Variants in CTNND2 observed in about 807,000 individuals in gnomAD.
CTNND2 encodes catenin delta-2.
Under a neutral mutation model 144.4 loss-of-function variants are expected in CTNND2, and 22 were observed. That is an observed-to-expected ratio of 0.15 (90% CI 0.11 to 0.22). The LOEUF (loss-of-function observed/expected upper bound fraction) is 0.22. Among genes scored for constraint, CTNND2 ranks in the 10% least tolerant of loss-of-function variants. The pLI, the probability that CTNND2 is intolerant of heterozygous loss-of-function variation, is 1.00. For synonymous variants in CTNND2, 751 were observed against 695.6 expected, an observed-to-expected ratio of 1.08 and a Z score of -1.25; for missense variants, 1,353 against 1,618.8, an observed-to-expected ratio of 0.84 and a Z score of 2.82.
chr5:11,857,550 A>C (rs1795308506), intron 1 of CTNND2, among the ~76,000 whole-genome samples: 1 of 152,160 alleles, frequency 6.6e-6, no homozygotes, highest in Non-Finnish European at 1.5e-5. Context: ...AGGCCTGCAA[A>C]TCTTGTCATT....
At chr5:11,676,951 T>C (rs565800187) in intron 2 of CTNND2, among the ~76,000 whole-genome samples, 1 of 152,328 alleles carries the variant, frequency 6.6e-6, no homozygotes, top group East Asian at 1.9e-4. Context: ...CTCATTCTCT[T>C]TAAAAGATAA....
intron 18 of CTNND2, among the ~76,000 whole-genome samples, chr5:10,997,313 G>A (rs1739454345): frequency 6.6e-6 from 1 of 152,016 alleles, no homozygotes; most frequent in South Asian, 2.1e-4. Context: ...TTTTTTTTAG[G>A]CCAGGAGCGG....
chr5:11,444,736 T>A (rs893124271), intron 3 of CTNND2, among the ~76,000 whole-genome samples: 1 of 152,112 alleles, frequency 6.6e-6, no homozygotes, highest in African/African-American at 2.4e-5. Context: ...ATGAATGGTG[T>A]CAATGTATTT....
intron 1 of CTNND2, among the ~76,000 whole-genome samples, chr5:11,751,828 C>G (rs760701861): frequency 6.6e-6 from 1 of 151,900 alleles, no homozygotes; most frequent in South Asian, 2.1e-4. Flanking sequence ...TTCATCCCAA[C>G]AAGCAGTGTA....
chr5:11,839,688 A>G (rs1387926418), intron 1 of CTNND2, among the ~76,000 whole-genome samples: 2 of 152,148 alleles, frequency 1.3e-5, no homozygotes, highest in African/African-American at 4.8e-5. Flanking sequence ...TCTACAAGAC[A>G]CTAGCTTCAC....
intron 11 of CTNND2, among the ~76,000 whole-genome samples, chr5:11,194,661 GAAGT>G (rs1250508538): frequency 1.3e-4 from 19 of 151,942 alleles, no homozygotes; most frequent in African/African-American, 4.4e-4. Flanking sequence ...CCACAGATTT[GAAGT>G]AAGCCTGCAA....
intron 9 of CTNND2, among the ~76,000 whole-genome samples, chr5:11,239,285 G>T (rs964244901): frequency 4.6e-5 from 7 of 152,256 alleles, no homozygotes; most frequent in Non-Finnish European, 7.3e-5. Flanking sequence ...GTGCACATGT[G>T]CTTGCACACA....
intron 2 of CTNND2, among the ~76,000 whole-genome samples, chr5:11,572,819 G>A (rs1475292999): frequency 6.6e-6 from 1 of 152,152 alleles, no homozygotes; most frequent in Non-Finnish European, 1.5e-5. Context: ...ATAAGAGAAT[G>A]AAACAGCAAT....
chr5:11,127,944 T>A (rs1754845295), intron 12 of CTNND2, among the ~76,000 whole-genome samples: 1 of 111,148 alleles, frequency 9.0e-6, no homozygotes, highest in African/African-American at 5.2e-5. Context: ...GAGGGTGGAC[T>A]GTGGTAGGCC....
At chr5:11,846,681 G>T (rs928532336) in intron 1 of CTNND2, among the ~76,000 whole-genome samples, 3 of 152,072 alleles carry the variant, frequency 2.0e-5, no homozygotes, top group Non-Finnish European at 2.9e-5. Flanking sequence ...GAAAGTATCT[G>T]CAAAATATGC....
chr5:11,545,640 G>A (rs1306794820), intron 3 of CTNND2, among the ~76,000 whole-genome samples: 2 of 135,310 alleles, frequency 1.5e-5, no homozygotes, highest in Non-Finnish European at 3.1e-5. Context: ...TCCAGCCTTG[G>A]TGACAGAGCA....
At chr5:11,810,955 G>A (rs938210442) in intron 1 of CTNND2, among the ~76,000 whole-genome samples, 2 of 152,062 alleles carry the variant, frequency 1.3e-5, no homozygotes, top group African/African-American at 4.8e-5. Flanking sequence ...CATATCATCT[G>A]AATTTTACTG....
chr5:11,336,040 A>T (rs1429151769), intron 9 of CTNND2, among the ~76,000 whole-genome samples: 1 of 152,016 alleles, frequency 6.6e-6, no homozygotes, highest in East Asian at 1.9e-4. Context: ...TTTGGCCACT[A>T]TTTCATTTGC....
chr5:11,497,225 A>C, intron 3 of CTNND2, among the ~76,000 whole-genome samples: 1 of 148,988 alleles, frequency 6.7e-6, no homozygotes, highest in Non-Finnish European at 1.5e-5. Context: ...TCATGTGACT[A>C]CTTTTTTTTT....
chr5:11,316,468 T>A lies in CTNND2; in HGVS notation c.1628+29904A>T, dbSNP rs74612639. Among the ~76,000 whole-genome samples the A allele has an allele frequency of 9.0e-3, 663 of 73,400 alleles. 10 individuals are homozygous for A. Among genetic ancestry groups the A allele is most frequent in the South Asian group, 0.064 (149 of 2,318 alleles). The allele number at this position is 73,400 out of a possible 152,430, so 48.2% of individuals were successfully genotyped here. On this transcript the variant is annotated intron_variant, in intron 9 of 21. Coordinates refer to ENST00000304623, the MANE Select transcript of CTNND2 (RefSeq NM_001332.4). ...AGGTAGGTACTCTTATCCACTATTT[T>A]TTATTATTATTATTATTATTATTAT...
chr5:11,437,402 C>T lies in CTNND2; in HGVS notation c.288-25333G>A, dbSNP rs1763865956. On this transcript the variant is annotated intron_variant, in intron 3 of 21. Coordinates refer to ENST00000304623, the MANE Select transcript of CTNND2 (RefSeq NM_001332.4). ...TGGAGGGGAAAAGATAACAGTGTTC[C>T]TGCCTTCCAGATGCATGAGAATCCA... 2.0e-5 allele frequency among the ~76,000 whole-genome samples: 3 copies of T among 152,198 alleles called. No homozygotes were observed. In the South Asian group the frequency reaches 6.2e-4, roughly 31 times the overall value.
intron 1 of CTNND2, among the ~76,000 whole-genome samples, chr5:11,739,698 T>C (rs1192303525): frequency 1.3e-5 from 2 of 152,086 alleles, no homozygotes; most frequent in Non-Finnish European, 2.9e-5. Flanking sequence ...GCCCGGGCAA[T>C]CAGGCAGGAG....
At chr5:11,212,809 TC>T (rs915267469) in intron 10 of CTNND2, among the ~76,000 whole-genome samples, 4 of 151,976 alleles carry the variant, frequency 2.6e-5, no homozygotes, top group African/African-American at 9.7e-5. Context: ...ACGGAGCCCC[TC>T]CCAGAGGTAA....
At chr5:11,780,005 G>A (rs575666627) in intron 1 of CTNND2, among the ~76,000 whole-genome samples, 1 of 152,248 alleles carries the variant, frequency 6.6e-6, no homozygotes, top group Admixed American at 6.5e-5. Context: ...ATAAAAGCAG[G>A]GCCTCCATTT....
Sources: allele counts gnomAD v4.1 joint callset (sites outside exome capture counted in the v4.1 genomes callset), GRCh38; gene constraint gnomAD v4.1.1; transcripts MANE v1.5; gene names NCBI Gene and HGNC (gene_info 2026-07-23, HGNC 2026-07-21).